PRORP: variants seen among roughly 807,000 people sequenced by gnomAD.
PRORP encodes the protein protein only RNase P catalytic subunit.
Under a neutral mutation model 59.4 loss-of-function variants are expected in PRORP, and 51 were observed. The observed-to-expected ratio is 0.86, with a 90% CI of 0.69 to 1.08. The LOEUF (loss-of-function observed/expected upper bound fraction) is 1.08, where lower values mean the gene tolerates loss of function less well. PRORP is among the 50% of genes least tolerant of loss of function. PRORP has a pLI of 0.00. For synonymous variants in PRORP, 231 were observed against 245.6 expected (o/e 0.94, Z 0.55); for missense variants, 646 against 690.3 (o/e 0.94, Z 0.72).
intron 4 of PRORP, among the ~76,000 whole-genome samples, chr14:35,175,388 A>G (rs961670440): frequency 3.3e-5 from 5 of 151,840 alleles, no homozygotes; most frequent in Admixed American, 2.0e-4. Context: ...ACTTCTCCAC[A>G]TCCTCTCCAG....
rs529836145 is a variant in PRORP, at chr14:35,174,233, GT to G, written c.1168-6436del. Among the ~76,000 whole-genome samples, 5 of 151,904 alleles carry G rather than the reference GT, an allele frequency of 3.3e-5. No homozygotes were observed. In the South Asian group the frequency reaches 1.0e-3, roughly 32 times the overall value. ...AAACTACCAAACCTTCAAATGTCATGTCCCCTCCAGTTTCTGCCTGCTTTTG... is the reference window on the plus strand; with the variant it reads ...AAACTACCAAACCTTCAAATGTCATGCCCCTCCAGTTTCTGCCTGCTTTTG... On this transcript the variant is annotated intron_variant, in intron 4 of 7. Coordinates refer to ENST00000534898, the MANE Select transcript of PRORP (RefSeq NM_014672.4).
intron 5 of PRORP, among the ~76,000 whole-genome samples, chr14:35,256,435 G>A (rs1401971292): frequency 1.4e-5 from 2 of 140,634 alleles, no homozygotes; most frequent in Non-Finnish European, 3.0e-5. Flanking sequence ...GGGCTTAAGC[G>A]ATTCTCCTGC....
At chr14:35,149,120 C>T (rs940615009) in intron 4 of PRORP, among the ~76,000 whole-genome samples, 6 of 150,044 alleles carry the variant, frequency 4.0e-5, no homozygotes, top group Non-Finnish European at 7.4e-5. Context: ...GGGGTTTCAC[C>T]GTGTTAGCCA....
Position 35,233,500 on chromosome 14 carries a change from G to A in PRORP, c.1276-33227G>A, listed in dbSNP as rs181434989. 8.0e-5 allele frequency among the ~76,000 whole-genome samples: 12 copies of A among 149,674 alleles called. 1 individual carries two copies. Among genetic ancestry groups the A allele is most frequent in the African/African-American group, 2.7e-4 (11 of 40,908 alleles). On this transcript the variant is annotated intron_variant, in intron 5 of 7. Coordinates refer to ENST00000534898, the MANE Select transcript of PRORP (RefSeq NM_014672.4). ...CTTCCACATTCTAACAATTGCCAAC[G>A]TGCAATCCCTTCGTTTAAGAAAAGC...
At chr14:35,220,745 G>A (rs898702271) in intron 5 of PRORP, among the ~76,000 whole-genome samples, 6 of 152,020 alleles carry the variant, frequency 3.9e-5, no homozygotes, top group Non-Finnish European at 8.8e-5. Context: ...CCATGACATG[G>A]CTTTTATTCT....
At chr14:35,243,559 C>T (rs547474757) in intron 5 of PRORP, among the ~76,000 whole-genome samples, 12 of 150,938 alleles carry the variant, frequency 8.0e-5, no homozygotes. Flanking sequence ...GAATAAGGGA[C>T]AGGTTTAATA....
At chr14:35,148,744 G>A (rs1316511272) in intron 4 of PRORP, among the ~76,000 whole-genome samples, 1 of 152,050 alleles carries the variant, frequency 6.6e-6, no homozygotes, top group Non-Finnish European at 1.5e-5. Flanking sequence ...CGGAAAATCT[G>A]TTGCTTAGTG....
chr14:35,192,958 A>C (rs1425527083), intron 5 of PRORP, among the ~76,000 whole-genome samples: 3 of 150,880 alleles, frequency 2.0e-5, no homozygotes, highest in Admixed American at 1.3e-4. Context: ...GTGCCACTAC[A>C]GTCCAGCCTG....
At chr14:35,272,618 A>G (rs1377424590) in intron 7 of PRORP, among the ~76,000 whole-genome samples, 1 of 152,258 alleles carries the variant, frequency 6.6e-6, no homozygotes, top group South Asian at 2.1e-4. Context: ...TTTCTTAGAG[A>G]TACATACTGA....
chr14:35,233,217 C>T (rs950812967), intron 5 of PRORP, among the ~76,000 whole-genome samples: 1 of 150,080 alleles, frequency 6.7e-6, no homozygotes, highest in Admixed American at 7.0e-5. Context: ...TCCCTTCACT[C>T]ATGGAGCTAA....
At chr14:35,251,488 A>C (rs2050611506) in intron 5 of PRORP, among the ~76,000 whole-genome samples, 1 of 152,222 alleles carries the variant, frequency 6.6e-6, no homozygotes, top group Non-Finnish European at 1.5e-5. Context: ...ATAATAGAAA[A>C]TTATCGAAGA....
intron 4 of PRORP, among the ~76,000 whole-genome samples, chr14:35,180,205 A>T (rs570881897): frequency 6.6e-6 from 1 of 152,038 alleles, no homozygotes; most frequent in Non-Finnish European, 1.5e-5. Context: ...TCAGATCTCA[A>T]ACTCCGTGCT....
chr14:35,227,443 C>G (rs78120678), intron 5 of PRORP, among the ~76,000 whole-genome samples: 1 of 138,144 alleles, frequency 7.2e-6, no homozygotes, highest in Non-Finnish European at 1.6e-5. Context: ...GACTCTGTCT[C>G]AAAAAAAAAA....
At chr14:35,237,863 C>A (rs181550668) in intron 5 of PRORP, among the ~76,000 whole-genome samples, 35 of 151,952 alleles carry the variant, frequency 2.3e-4, no homozygotes, top group African/African-American at 7.5e-4. Context: ...ACTGTGTTAG[C>A]CAGGATGGTC....
In PRORP at chr14:35,153,340, G is replaced by A. The variant is rs76512754; in HGVS notation, c.1167+25729G>A. Among the ~76,000 whole-genome samples, 3 of 152,340 alleles carry A rather than the reference G, an allele frequency of 2.0e-5. No homozygotes were observed. The East Asian group carries it at 5.8e-4, about 29-fold the overall frequency. On this transcript the variant is annotated intron_variant, in intron 4 of 7. Coordinates refer to ENST00000534898, the MANE Select transcript of PRORP (RefSeq NM_014672.4). ...GTTGCAGTGAGCCGAGATGGCAGCA[G>A]TACAGTCCAGCTTCAGCTCCGCATC...
chr14:35,238,907 C>T (rs1195245199), intron 5 of PRORP, among the ~76,000 whole-genome samples: 1 of 152,172 alleles, frequency 6.6e-6, no homozygotes, highest in African/African-American at 2.4e-5. Flanking sequence ...AATAACAACA[C>T]GTAGTCTTTT....
chr14:35,160,097 C>T (rs190745840), intron 4 of PRORP, among the ~76,000 whole-genome samples: 1 of 152,276 alleles, frequency 6.6e-6, no homozygotes, highest in East Asian at 1.9e-4. Context: ...ACTCATCTTC[C>T]AGTTGTACGT....
At position 35,152,426 on chromosome 14, in the gene PRORP, G is replaced by A. The variant is rs746849275; in HGVS notation, c.1167+24815G>A. ...AAAACCGCCATCATCATCATGGCCC[G>A]TTCTCAATGAGCTGTTGGGTACACC... On this transcript the variant is annotated intron_variant, in intron 4 of 7. Transcript: ENST00000534898. 9.6e-4 allele frequency among the ~76,000 whole-genome samples: 145 copies of A among 151,738 alleles called. 1 individual carries two copies. Among genetic ancestry groups the A allele is most frequent in the African/African-American group, 3.2e-3 (131 of 41,462 alleles).
At chr14:35,173,900 C>T (rs567875994) in intron 4 of PRORP, among the ~76,000 whole-genome samples, 57 of 152,060 alleles carry the variant, frequency 3.7e-4, no homozygotes, top group South Asian at 1.9e-3. Flanking sequence ...TCAGTCTCAT[C>T]GGTGTGGTGA....
Sources: allele counts gnomAD v4.1 joint callset (sites outside exome capture counted in the v4.1 genomes callset), GRCh38; gene constraint gnomAD v4.1.1; transcripts MANE v1.5; gene names NCBI Gene and HGNC (gene_info 2026-07-23, HGNC 2026-07-21).